The following PHF10 variants were observed in gnomAD, a reference collection of about 807,000 sequenced individuals.
PHF10 encodes BRG1-associated factor 45a.
A neutral mutation model predicts 68.5 loss-of-function variants in PHF10; 51 were observed. The observed-to-expected ratio is 0.74, with a 90% confidence interval of 0.59 to 0.94. The LOEUF (loss-of-function observed/expected upper bound fraction) is 0.94. PHF10 is among the 40% of genes least tolerant of loss of function. PHF10 has a pLI of 0.00. For synonymous variants in PHF10, 204 were observed against 203.5 expected, an observed-to-expected ratio of 1.00 and a Z score of -0.02; for missense variants, 460 against 602.6, an observed-to-expected ratio of 0.76 and a Z score of 2.48.
At chr6:169,715,592 A>AAAC (rs1554409071) in intron 6 of PHF10, 116 bp downstream of exon 6, 1 of 791,472 alleles carries the variant, frequency 1.3e-6, no homozygotes, top group Non-Finnish European at 2.0e-6. Flanking sequence ...ACAAACAAAC[A>AAAC]AAAAAAACAC....
intron 7 of PHF10, 89 bp downstream of exon 7, chr6:169,714,644 G>T: frequency 1.3e-6 from 1 of 741,752 alleles, no homozygotes; most frequent in South Asian, 1.5e-5. Flanking sequence ...GATATCTATA[G>T]ACCCCAAAAT....
In PHF10 at chr6:169,723,983, GGCCGCCGCCGCCGCTGCCGCCGCCGCC is replaced by G. The variant is rs1408380105; in HGVS notation, c.-79_-53del. On this transcript the variant is annotated 5_prime_UTR_variant, in exon 1 of 12. Coordinates refer to ENST00000339209, the MANE Select transcript of PHF10 (RefSeq NM_018288.4). ...GCCGCCGTCGCCTCCGCCTTGTCCC[GGCCGCCGCCGCCGCTGCCGCCGCCGCC>G]GCCGCCGCCGCCGCGCGGGCCCCCC... The G allele has an allele frequency of 1.1e-4, 58 of 507,296 alleles. No homozygotes were observed. The highest frequency in any genetic ancestry group is 3.7e-4 in the African/African-American group (17 of 45,562). The allele number at this position is 507,296 out of a possible 1,614,324, so 31.4% of individuals were successfully genotyped here.
chr6:169,709,828 G>C (rs548559025), intron 9 of PHF10: 1 of 152,722 alleles, frequency 6.5e-6, no homozygotes, highest in East Asian at 1.9e-4. Context: ...TAGTCTAACA[G>C]TATATCCACT....
intron 6 of PHF10, 100 bp from the exon 7 acceptor site, chr6:169,714,942 C>T: frequency 1.4e-6 from 1 of 698,480 alleles, no homozygotes; most frequent in Non-Finnish European, 2.6e-6. Context: ...CCACTTCCCC[C>T]TCGAAAAGCT....
In PHF10 at chr6:169,703,929, C is replaced by T. The variant is rs1788644867; in HGVS notation, c.*74G>A. On this transcript the variant is annotated 3_prime_UTR_variant, in exon 12 of 12. Transcript: ENST00000339209. ...ATTTGCAAAAAAAATCTTTTATTGG[C>T]ATGAAAATAATGTTGTAAATGGCAC... 8.3e-7 allele frequency: 1 copy of T among 1,207,582 alleles called. No homozygotes were observed. Among genetic ancestry groups the T allele is most frequent in the Non-Finnish European group, 1.2e-6 (1 of 865,408 alleles). 74.8% of individuals were successfully genotyped at this position (1,207,582 alleles called of 1,614,324 possible).
rs1467366803 is a variant in PHF10, at chr6:169,704,026, C to T, written c.1474G>A (p.Gly492Arg). 5.6e-6 allele frequency: 9 copies of T among 1,600,662 alleles called. No homozygotes were observed. The highest frequency in any genetic ancestry group is 6.8e-6 in the Non-Finnish European group (8 of 1,175,824). The change falls in exon 12 of 12, where the codon GGG (glycine) becomes AGG (arginine). Residue 492 changes from glycine to arginine, a missense_variant. This residue lies in a region of PHF10 where 111 missense variants were observed against 109.7 expected (regional missense o/e 1.01). Coordinates refer to ENST00000339209, the MANE Select transcript of PHF10 (RefSeq NM_018288.4). ...PPTPRKVGRR[G>R]KNSKEG Reference sequence around the variant, plus strand: ...TTTTATCCCTCTTTGCTGTTTTTCCCCCTTCTGCCCACTTTCCTGGGTGTT... The same window carrying T: ...TTTTATCCCTCTTTGCTGTTTTTCCTCCTTCTGCCCACTTTCCTGGGTGTT...
chr6:169,703,909 C>A lies in PHF10; in HGVS notation c.*94G>T. On this transcript the variant is annotated 3_prime_UTR_variant, in exon 12 of 12. Coordinates refer to ENST00000339209, the MANE Select transcript of PHF10 (RefSeq NM_018288.4). ...CTGCAGATTTTAAGCTCATAATTTG[C>A]AAAAAAAATCTTTTATTGGCATGAA... 1 of 1,038,270 alleles carries A rather than the reference C, an allele frequency of 9.6e-7. No homozygotes were observed. The highest frequency in any genetic ancestry group is 1.4e-6 in the Non-Finnish European group (1 of 722,230). 64.3% of individuals were successfully genotyped at this position (1,038,270 alleles called of 1,614,324 possible).
chr6:169,723,687 G>A (rs1042644107), intron 1 of PHF10, among the ~76,000 whole-genome samples, 158 bp downstream of exon 1: 5 of 151,618 alleles, frequency 3.3e-5, no homozygotes, highest in Non-Finnish European at 7.4e-5. Flanking sequence ...GCTCACCTCG[G>A]GGCCCCGCCT....
Position 169,723,949 on chromosome 6 carries a change from GC to G in PHF10, c.-19del. The G allele has an allele frequency of 1.3e-6, 1 of 773,626 alleles. No individual in the cohort carries two copies. The highest frequency in any genetic ancestry group is 1.6e-6 in the Non-Finnish European group (1 of 639,048). 47.9% of individuals were successfully genotyped at this position (773,626 alleles called of 1,614,324 possible). A position where few individuals can be genotyped will look rare whatever the true frequency, so the allele number is the denominator to read the frequency against. ...GCCGCCATCAGCCCGAGCGCCCCGCGCCGCCGCCGCCGCCGTCGCCTCCGCC... is the reference window on the plus strand; with the variant it reads ...GCCGCCATCAGCCCGAGCGCCCCGCGCGCCGCCGCCGCCGTCGCCTCCGCC... On this transcript the variant is annotated 5_prime_UTR_variant, in exon 1 of 12. Transcript: ENST00000339209.
rs1368134238 is a variant in PHF10, at chr6:169,705,194, GAAC to G, written c.1347_1349del (p.Met449_Phe450delinsIle). On this transcript the variant is annotated inframe_deletion, in exon 11 of 12. Coordinates refer to ENST00000339209, the MANE Select transcript of PHF10 (RefSeq NM_018288.4). ...GATAACCTCTGTCACACATATCACA[GAAC>G]ATCATTTCTTCTTCATGGTGGGGTT... The G allele has an allele frequency of 6.2e-7, 1 of 1,613,626 alleles. No homozygotes were observed. The highest frequency in any genetic ancestry group is 8.5e-7 in the Non-Finnish European group (1 of 1,179,798).
intron 1 of PHF10, among the ~76,000 whole-genome samples, chr6:169,721,490 T>C (rs1246325309): frequency 6.6e-6 from 1 of 152,214 alleles, no homozygotes; most frequent in South Asian, 2.1e-4. Flanking sequence ...AGGACTATTT[T>C]AATTGACTAC....
intron 8 of PHF10, 58 bp downstream of exon 8, chr6:169,712,328 A>G: frequency 1.4e-6 from 2 of 1,425,142 alleles, no homozygotes; most frequent in East Asian, 2.3e-5. Context: ...CAGAAATTCA[A>G]TGTAACAAAA....
intron 9 of PHF10, chr6:169,709,816 C>T (rs1255117043): frequency 6.6e-6 from 1 of 152,312 alleles, no homozygotes; most frequent in Non-Finnish European, 1.5e-5. Context: ...AAAAATGCAA[C>T]TTAGTCTAAC....
In PHF10 at chr6:169,720,877, T is replaced by C. The variant is rs964727854; in HGVS notation, c.194+128A>G. 9 of 596,970 alleles carry C rather than the reference T, an allele frequency of 1.5e-5. No individual in the cohort carries two copies. In the Admixed American group the frequency reaches 2.7e-4, roughly 18 times the overall value. 37.0% of individuals were successfully genotyped at this position (596,970 alleles called of 1,614,324 possible). A position where few individuals can be genotyped will look rare whatever the true frequency, so the allele number is the denominator to read the frequency against. The stretch of plus-strand genomic sequence containing the variant: ...CAAGACCAACTTTGATGGCACATTA[T>C]AGAACAGGAAGAAAATATTCTACAA... On this transcript the variant is annotated intron_variant, in intron 2 of 11. Coordinates refer to ENST00000339209, the MANE Select transcript of PHF10 (RefSeq NM_018288.4).
At chr6:169,720,921 G>T in intron 2 of PHF10, 84 bp downstream of exon 2, 1 of 691,772 alleles carries the variant, frequency 1.4e-6, no homozygotes, top group Non-Finnish European at 2.5e-6. Context: ...AATTGCCTTT[G>T]CCAGAGCTGG....
chr6:169,714,966 A>C (rs1348165598), intron 6 of PHF10, 124 bp from the exon 7 acceptor site: 2 of 652,296 alleles, frequency 3.1e-6, no homozygotes, highest in African/African-American at 1.8e-5. Flanking sequence ...ATTTTAGGAG[A>C]TATCAGGAGC....
chr6:169,723,903 G>T lies in PHF10; in HGVS notation c.29C>A (p.Ala10Glu). The change falls in exon 1 of 12, where the codon GCG (alanine) becomes GAG (glutamate). Residue 10 changes from alanine (A) to glutamate (E), a missense_variant. Transcript: ENST00000339209. The stretch of plus-strand genomic sequence containing the variant: ...GCTGTCGCACGGCCGCGGGGACAGC[G>T]CAGCCCCGGGCCCGGCCGCCGCCGC... MAAAAGPGA[A>E]LSPRPCDSDP... 1 of 1,065,438 alleles carries T rather than the reference G, an allele frequency of 9.4e-7. No homozygotes were observed. Among genetic ancestry groups the T allele is most frequent in the Non-Finnish European group, 1.1e-6 (1 of 878,502 alleles). 66.0% of individuals were successfully genotyped at this position (1,065,438 alleles called of 1,614,324 possible). A position where few individuals can be genotyped will look rare whatever the true frequency, so the allele number is the denominator to read the frequency against.
chr6:169,720,062 T>C (rs1349016909), intron 2 of PHF10, among the ~76,000 whole-genome samples: 2 of 152,048 alleles, frequency 1.3e-5, no homozygotes, highest in African/African-American at 2.4e-5. Context: ...GATGAAAAGA[T>C]GTTCAATATC....
At chr6:169,722,175 TATG>T (rs754035034) in intron 1 of PHF10, among the ~76,000 whole-genome samples, 6 of 152,218 alleles carry the variant, frequency 3.9e-5, no homozygotes, top group South Asian at 2.1e-4. Context: ...AAATGATGAT[TATG>T]ATGATAATAA....
Sources: allele counts gnomAD v4.1 joint callset (sites outside exome capture counted in the v4.1 genomes callset), GRCh38; gene constraint gnomAD v4.1.1; regional missense constraint gnomAD v4.1.1; transcripts MANE v1.5; gene names NCBI Gene and HGNC (gene_info 2026-07-23, HGNC 2026-07-21).